Variants in ARFGEF1 observed in about 807,000 individuals in gnomAD.
ARFGEF1 encodes the protein brefeldin A-inhibited guanine nucleotide-exchange protein 1.
ARFGEF1 carries 42 observed loss-of-function variants against 231.0 expected under a neutral mutation model. The observed-to-expected ratio is 0.18, with a 90% CI of 0.14 to 0.24. ARFGEF1 has a LOEUF of 0.24. Among genes scored for constraint, ARFGEF1 ranks in the 10% least tolerant of loss-of-function variants. The pLI, the probability that ARFGEF1 is intolerant of heterozygous loss-of-function variation, is 1.00. For missense variants in ARFGEF1, 1,345 were observed against 2,192.0 expected (o/e 0.61, Z 7.72); for synonymous variants, 710 against 732.3 (o/e 0.97, Z 0.49).
At chr8:67,185,657 A>G (rs1834361225) in intron 5 of ARFGEF1, among the ~76,000 whole-genome samples, 1 of 152,188 alleles carries the variant, frequency 6.6e-6, no homozygotes, top group Admixed American at 6.5e-5. Context: ...CTCTTGAAGT[A>G]TATCTGGAAA....
intron 5 of ARFGEF1, chr8:67,179,827 C>G (rs1832590317): frequency 6.9e-7 from 1 of 1,439,606 alleles, no homozygotes; most frequent in Non-Finnish European, 9.7e-7. Context: ...GTACACAAAA[C>G]TAATAAAAAT....
At chr8:67,185,104 CAAA>C (rs562540567) in intron 5 of ARFGEF1, among the ~76,000 whole-genome samples, 2 of 121,942 alleles carry the variant, frequency 1.6e-5, no homozygotes. Flanking sequence ...GACTCCGTCT[CAAA>C]AAAAAAAAAA....
Position 67,198,204 on chromosome 8 carries a change from A to G in ARFGEF1, c.*730T>C. 2.0e-6 allele frequency: 2 copies of G among 985,736 alleles called. No individual in the cohort carries two copies. Among genetic ancestry groups the G allele is most frequent in the Non-Finnish European group, 2.4e-6 (2 of 829,916 alleles). The allele number at this position is 985,736 out of a possible 1,614,324, so 61.1% of individuals were successfully genotyped here. On this transcript the variant is annotated 3_prime_UTR_variant, in exon 39 of 39. Transcript: ENST00000262215. ...GGCCACAACAGCTTCTGGGCATGTT[A>G]CAGCCTCAAAATCACCACCTACCAA...
chr8:67,227,891 A>G, intron 25 of ARFGEF1, 72 bp downstream of exon 25: 1 of 1,276,936 alleles, frequency 7.8e-7, no homozygotes, highest in East Asian at 2.6e-5. Context: ...AAAAGGCTCA[A>G]TTTGATTACA....
intron 23 of ARFGEF1, among the ~76,000 whole-genome samples, chr8:67,229,679 G>T (rs1250491288): frequency 6.6e-6 from 1 of 151,896 alleles, no homozygotes. Context: ...CAGAGCTCTC[G>T]CAAAACAAAA....
At chr8:67,311,154 G>A (rs1480907013) in intron 1 of ARFGEF1, among the ~76,000 whole-genome samples, 2 of 149,284 alleles carry the variant, frequency 1.3e-5, no homozygotes, top group Non-Finnish European at 3.0e-5. Flanking sequence ...CGTCTGGGAG[G>A]TGAGGGGCGC....
intron 6 of ARFGEF1, among the ~76,000 whole-genome samples, chr8:67,289,153 G>A (rs1240241251): frequency 6.6e-6 from 1 of 151,928 alleles, no homozygotes. Context: ...AATGCCCTGG[G>A]ATTCAAAATG....
chr8:67,192,546 G>A (rs1836666578), intron 5 of ARFGEF1, among the ~76,000 whole-genome samples: 1 of 152,012 alleles, frequency 6.6e-6, no homozygotes, highest in Non-Finnish European at 1.5e-5. Context: ...TAATTTTGAT[G>A]AGGTCCAACT....
chr8:67,315,234 A>G (rs1807253663), intron 1 of ARFGEF1, among the ~76,000 whole-genome samples: 1 of 152,234 alleles, frequency 6.6e-6, no homozygotes, highest in Non-Finnish European at 1.5e-5. Flanking sequence ...ATGTGTATAT[A>G]ACAAAGAGCT....
intron 1 of ARFGEF1, among the ~76,000 whole-genome samples, chr8:67,328,992 T>C (rs571849464): frequency 6.6e-6 from 1 of 152,034 alleles, no homozygotes; most frequent in Non-Finnish European, 1.5e-5. Flanking sequence ...CTTTGGAAGG[T>C]TGAGGCGGGC....
At chr8:67,197,617 A>C, downstream of ARFGEF1, 1 of 985,688 alleles carries the variant, frequency 1.0e-6, no homozygotes, top group African/African-American at 1.7e-5. Context: ...TTCAGCCTTA[A>C]TAGACCAGAA....
Position 67,240,218 on chromosome 8 carries a change from G to A in ARFGEF1, c.2923C>T (p.Leu975Phe). ...QDCDDTEVAS[L>F]CLEGIRCAIR... ...GCACATCTTATACCTTCCAGGCAAA[G>A]AGAGGCTACTTCAGTATCATCACAA... Residue 975 changes from leucine to phenylalanine, a missense_variant, in exon 20 of 39, where the codon CTT becomes TTT. Around this residue, in one of 14 missense-constraint regions of ARFGEF1, gnomAD observed 146 missense variants for 321.4 expected, o/e 0.45. Coordinates refer to ENST00000262215, the MANE Select transcript of ARFGEF1 (RefSeq NM_006421.5). 7 of 1,613,250 alleles carry A rather than the reference G, an allele frequency of 4.3e-6. No homozygotes were observed. The highest frequency in any genetic ancestry group is 5.9e-6 in the Non-Finnish European group (7 of 1,179,728).
intron 1 of ARFGEF1, among the ~76,000 whole-genome samples, chr8:67,333,957 C>T (rs1235207512): frequency 2.0e-5 from 3 of 151,840 alleles, no homozygotes; most frequent in African/African-American, 7.3e-5. Flanking sequence ...GCCAACATGG[C>T]AAAACCCCAT....
chr8:67,240,774 A>C (rs943656050), intron 19 of ARFGEF1, among the ~76,000 whole-genome samples: 1 of 152,168 alleles, frequency 6.6e-6, no homozygotes, highest in Non-Finnish European at 1.5e-5. Flanking sequence ...TTACATTGAG[A>C]CATCAGTGAT....
downstream of ARFGEF1, among the ~76,000 whole-genome samples, chr8:67,196,710 A>C (rs983745935): frequency 2.0e-5 from 3 of 152,182 alleles, no homozygotes; most frequent in Non-Finnish European, 4.4e-5. Flanking sequence ...ATCTGAAAGT[A>C]AGAAGAAAGC....
chr8:67,193,540 G>GAGTGAGA (rs1837017907), downstream of ARFGEF1: 1 of 1,613,478 alleles, frequency 6.2e-7, no homozygotes, highest in Admixed American at 1.7e-5. Context: ...GATGAGCTTA[G>GAGTGAGA]AGTGAGAAAT....
intron 36 of ARFGEF1, 50 bp downstream of exon 36, chr8:67,203,033 T>A (rs1402707256): frequency 6.4e-7 from 1 of 1,565,526 alleles, no homozygotes; most frequent in Non-Finnish European, 8.7e-7. Context: ...TATGTACCTG[T>A]CCCACATCCA....
chr8:67,182,456 A>G (rs138136172), intron 5 of ARFGEF1, among the ~76,000 whole-genome samples: 2 of 152,268 alleles, frequency 1.3e-5, no homozygotes, highest in East Asian at 1.9e-4. Context: ...TAGGTGTACA[A>G]TTATCTGTTG....
intron 30 of ARFGEF1, 91 bp downstream of exon 30, chr8:67,219,340 G>C: frequency 2.1e-6 from 3 of 1,414,302 alleles, no homozygotes; most frequent in South Asian, 1.5e-5. Flanking sequence ...ATTCTTTTCT[G>C]TACTTAATTT....
Sources: gnomAD v4.1 joint callset for allele counts (sites outside exome capture counted in the v4.1 genomes callset) on GRCh38, gnomAD v4.1.1 for gene constraint, gnomAD v4.1.1 regional missense constraint, MANE v1.5 for transcripts, NCBI Gene and HGNC (gene_info 2026-07-23, HGNC 2026-07-21) for gene names.